Variants in SAMMSON observed in about 807,000 individuals in gnomAD.
SAMMSON encodes the protein long intergenic non-protein coding RNA 1212.
chr3:70,201,395 G>C (rs545538179), intron 4 of SAMMSON, among the ~76,000 whole-genome samples: 2 of 152,106 alleles, frequency 1.3e-5, no homozygotes, highest in Non-Finnish European at 2.9e-5. Flanking sequence ...TTTTACAGCT[G>C]TGTAGTTCTC....
chr3:70,301,823 C>T (rs1439617298), intron 7 of SAMMSON, among the ~76,000 whole-genome samples: 1 of 151,822 alleles, frequency 6.6e-6, no homozygotes, highest in African/African-American at 2.4e-5. Context: ...ATTTTGGTAA[C>T]TCTACAGGAA....
intron 3 of SAMMSON, among the ~76,000 whole-genome samples, chr3:70,066,159 G>T (rs1311332265): frequency 6.6e-6 from 1 of 152,090 alleles, no homozygotes; most frequent in Non-Finnish European, 1.5e-5. Context: ...AGCTATAAAA[G>T]TACAACTGAA....
intron 4 of SAMMSON, among the ~76,000 whole-genome samples, chr3:70,234,439 A>G (rs1288109659): frequency 6.6e-6 from 1 of 152,088 alleles, no homozygotes; most frequent in African/African-American, 2.4e-5. Context: ...TCTTGAGCCC[A>G]GGAGTTTGAG....
intron 6 of SAMMSON, among the ~76,000 whole-genome samples, chr3:70,266,831 T>C (rs1175862635): frequency 6.6e-6 from 1 of 152,174 alleles, no homozygotes; most frequent in Non-Finnish European, 1.5e-5. Flanking sequence ...GTCCAGAAGG[T>C]ACACAGATAT....
At chr3:70,285,204 C>A (rs1303459941) in intron 6 of SAMMSON, among the ~76,000 whole-genome samples, 1 of 112,120 alleles carries the variant, frequency 8.9e-6, no homozygotes, top group Non-Finnish European at 1.8e-5. Flanking sequence ...CTATCCCTCC[C>A]CCCTCCCCCC....
At chr3:70,339,006 A>T (rs1702688921) in intron 7 of SAMMSON, among the ~76,000 whole-genome samples, 2 of 152,194 alleles carry the variant, frequency 1.3e-5, no homozygotes. Context: ...AAACTATACT[A>T]CAAGGCTACA....
At chr3:70,230,098 G>C (rs1042026689) in intron 4 of SAMMSON, among the ~76,000 whole-genome samples, 21 of 152,122 alleles carry the variant, frequency 1.4e-4, no homozygotes, top group Admixed American at 3.9e-4. Flanking sequence ...CAGGGAGTTG[G>C]AAATATTTAC....
At chr3:70,414,788 A>G (rs1382521410) in intron 2 of SAMMSON, among the ~76,000 whole-genome samples, 1 of 152,172 alleles carries the variant, frequency 6.6e-6, no homozygotes. Flanking sequence ...AACCTCATCT[A>G]CCTCATCTGA....
At chr3:70,145,483 T>A (rs780561689) in intron 4 of SAMMSON, among the ~76,000 whole-genome samples, 1 of 152,102 alleles carries the variant, frequency 6.6e-6, no homozygotes, top group Non-Finnish European at 1.5e-5. Flanking sequence ...TTTAAAATAG[T>A]TGAAATCATT....
chr3:70,046,636 A>G (rs985225365), intron 3 of SAMMSON, among the ~76,000 whole-genome samples: 1 of 152,096 alleles, frequency 6.6e-6, no homozygotes, highest in Non-Finnish European at 1.5e-5. Context: ...ACATTGCACT[A>G]CTTTTCTATT....
At chr3:70,079,849 C>T (rs1412787597) in intron 4 of SAMMSON, among the ~76,000 whole-genome samples, 3 of 152,140 alleles carry the variant, frequency 2.0e-5, no homozygotes, top group African/African-American at 7.2e-5. Flanking sequence ...CCTCTTTAAC[C>T]ATCAGTGCAC....
intron 7 of SAMMSON, among the ~76,000 whole-genome samples, chr3:70,317,814 C>T (rs1183053347): frequency 6.6e-6 from 1 of 151,740 alleles, no homozygotes; most frequent in Non-Finnish European, 1.5e-5. Context: ...GAATTTTCAG[C>T]ACTTCTTGAA....
intron 7 of SAMMSON, among the ~76,000 whole-genome samples, chr3:70,339,316 A>G (rs559664207): frequency 1.4e-4 from 21 of 152,264 alleles, no homozygotes; most frequent in African/African-American, 4.3e-4. Flanking sequence ...GAAAACCTAG[A>G]CAGTACCATT....
intron 4 of SAMMSON, among the ~76,000 whole-genome samples, chr3:70,119,368 G>A (rs940951354): frequency 3.3e-5 from 5 of 152,130 alleles, no homozygotes; most frequent in African/African-American, 4.8e-5. Flanking sequence ...CCCCCTGACC[G>A]CTACTCTTAT....
At chr3:70,056,436 G>C (rs866970205) in intron 3 of SAMMSON, among the ~76,000 whole-genome samples, 1 of 151,924 alleles carries the variant, frequency 6.6e-6, no homozygotes, top group South Asian at 2.1e-4. Context: ...TTCATCAACC[G>C]TTCGGCTACC....
At chr3:70,378,457 G>T (rs2106750298) in intron 9 of SAMMSON, among the ~76,000 whole-genome samples, 1 of 152,180 alleles carries the variant, frequency 6.6e-6, no homozygotes, top group African/African-American at 2.4e-5. Context: ...GAAGAAGGAT[G>T]AGGAAGGGTA....
intron 7 of SAMMSON, among the ~76,000 whole-genome samples, chr3:70,306,315 G>A (rs1702399686): frequency 6.6e-6 from 1 of 152,114 alleles, no homozygotes; most frequent in Non-Finnish European, 1.5e-5. Flanking sequence ...GTTTCACCAT[G>A]TTGGCCAGGC....
intron 2 of SAMMSON, among the ~76,000 whole-genome samples, chr3:70,422,887 AT>A (rs1701323619): frequency 6.6e-6 from 1 of 152,030 alleles, no homozygotes; most frequent in Non-Finnish European, 1.5e-5. Flanking sequence ...TAATATGATT[AT>A]CTCATTGATA....
chr3:70,083,984 G>A (rs2067276654), intron 4 of SAMMSON, among the ~76,000 whole-genome samples: 1 of 152,122 alleles, frequency 6.6e-6, no homozygotes, highest in Non-Finnish European at 1.5e-5. Context: ...ATGATTCCTA[G>A]CATTAGCTGT....
Sources: gnomAD v4.1 joint callset for allele counts (sites outside exome capture counted in the v4.1 genomes callset) on GRCh38, gnomAD v4.1.1 for gene constraint, MANE v1.5 for transcripts, NCBI Gene and HGNC (gene_info 2026-07-23, HGNC 2026-07-21) for gene names.